The following TAS2R1 variants were observed in gnomAD, a reference collection of about 807,000 sequenced individuals.
The protein encoded by TAS2R1 is taste 2 receptor member 1.
For synonymous variants in TAS2R1, 141 were observed against 134.2 expected (o/e 1.05, Z -0.35); for missense variants, 370 against 353.4 (o/e 1.05, Z -0.38).
chr5:9,795,568 C>T, the TAS2R1 span, among the ~76,000 whole-genome samples: 3 of 152,114 alleles, frequency 2.0e-5, no homozygotes, highest in Non-Finnish European at 2.9e-5. Context: ...CTTGAGGACT[C>T]AGAAGATGAA....
Position 9,678,788 on chromosome 5 carries a change from TG to T in TAS2R1, c.-241-19208del, listed in dbSNP as rs1184696097. The stretch of plus-strand genomic sequence containing the variant: ...ACACACTGGAGCCTGTTGGGGGGTT[TG>T]GGGGAGGGAGAGGATCAGGAATAAT... On this transcript the variant is annotated intron_variant, in intron 1 of 2. Coordinates refer to the TAS2R1 transcript ENST00000506620. 2.0e-5 allele frequency among the ~76,000 whole-genome samples: 3 copies of T among 151,770 alleles called. No homozygotes were observed. In the East Asian group the frequency reaches 5.8e-4, roughly 30 times the overall value.
intron 1 of TAS2R1, among the ~76,000 whole-genome samples, chr5:9,695,591 G>T (rs2126521162): frequency 6.6e-6 from 1 of 152,258 alleles, no homozygotes; most frequent in East Asian, 1.9e-4. Context: ...GGTGCACTGG[G>T]GGTGGGAGTA....
At chr5:9,829,744 G>A in the TAS2R1 span, among the ~76,000 whole-genome samples, 47 of 152,226 alleles carry the variant, frequency 3.1e-4, no homozygotes, top group Non-Finnish European at 5.4e-4. Flanking sequence ...ATGAGTCATG[G>A]TTGATGCAAA....
chr5:9,826,538 A>T, the TAS2R1 span, among the ~76,000 whole-genome samples: 2 of 152,216 alleles, frequency 1.3e-5, no homozygotes, highest in East Asian at 3.8e-4. Flanking sequence ...AAGAAAGAAT[A>T]CTTTTGCAAA....
chr5:9,652,565 A>G (rs1335448100), intron 2 of TAS2R1, among the ~76,000 whole-genome samples: 1 of 152,288 alleles, frequency 6.6e-6, no homozygotes, highest in South Asian at 2.1e-4. Context: ...GAGATTTACC[A>G]TGGCTGCCTG....
chr5:9,824,715 T>C, the TAS2R1 span, among the ~76,000 whole-genome samples: 4 of 151,590 alleles, frequency 2.6e-5, no homozygotes, highest in African/African-American at 7.3e-5. Flanking sequence ...GGTGTGGTGG[T>C]GGGCGCCTGT....
the TAS2R1 span, among the ~76,000 whole-genome samples, chr5:9,836,542 T>C: frequency 4.6e-5 from 7 of 152,162 alleles, no homozygotes; most frequent in African/African-American, 1.7e-4. Flanking sequence ...ACAATTTCCT[T>C]GGGGCAGGAG....
chr5:9,794,522 T>C, the TAS2R1 span, among the ~76,000 whole-genome samples: 3 of 152,232 alleles, frequency 2.0e-5, no homozygotes, highest in Admixed American at 2.0e-4. Context: ...AAGTGATCAT[T>C]CTTATTTTAC....
upstream of TAS2R1, among the ~76,000 whole-genome samples, chr5:9,634,410 G>A (rs62342657): frequency 0.18 from 26,751 of 150,866 alleles, 2,381 homozygotes; most frequent in African/African-American, 0.2. Flanking sequence ...TTGTTGTTGC[G>A]TAGTCTTGCT....
intron 1 of TAS2R1, among the ~76,000 whole-genome samples, chr5:9,711,431 T>C (rs1734658388): frequency 6.6e-6 from 1 of 152,172 alleles, no homozygotes; most frequent in Non-Finnish European, 1.5e-5. Flanking sequence ...AAATACTGCA[T>C]GATTTCAGTT....
the TAS2R1 span, among the ~76,000 whole-genome samples, chr5:9,821,179 GA>G: frequency 6.6e-6 from 1 of 152,286 alleles, no homozygotes. Context: ...CATTAGGTGA[GA>G]ACCTTAGAGA....
the TAS2R1 span, among the ~76,000 whole-genome samples, chr5:9,901,973 A>G: frequency 6.6e-6 from 1 of 152,094 alleles, no homozygotes; most frequent in African/African-American, 2.4e-5. Context: ...ATCTCAGAGT[A>G]GTGGACTCGC....
At chr5:9,723,304 C>G in the TAS2R1 span, among the ~76,000 whole-genome samples, 1 of 152,172 alleles carries the variant, frequency 6.6e-6, no homozygotes, top group African/African-American at 2.4e-5. Context: ...ACTTCATTAT[C>G]GTGGGCTTCT....
chr5:9,852,100 A>G, the TAS2R1 span, among the ~76,000 whole-genome samples: 1 of 152,224 alleles, frequency 6.6e-6, no homozygotes, highest in Non-Finnish European at 1.5e-5. Flanking sequence ...AAGGTATAGT[A>G]TATTATAGAT....
the TAS2R1 span, among the ~76,000 whole-genome samples, chr5:9,747,910 A>G: frequency 6.6e-6 from 1 of 151,996 alleles, no homozygotes; most frequent in Non-Finnish European, 1.5e-5. Context: ...AACTAGTGTC[A>G]CAAGGTACCT....
At chr5:9,763,764 A>G in the TAS2R1 span, among the ~76,000 whole-genome samples, 13 of 152,214 alleles carry the variant, frequency 8.5e-5, no homozygotes, top group Admixed American at 8.5e-4. Flanking sequence ...AATTAGAGAC[A>G]TCAAAACCCC....
At chr5:9,723,103 T>A in the TAS2R1 span, among the ~76,000 whole-genome samples, 1 of 152,226 alleles carries the variant, frequency 6.6e-6, no homozygotes, top group Non-Finnish European at 1.5e-5. Context: ...TATTGGCATT[T>A]GGGAGCTTGT....
rs1210068131 is a variant in TAS2R1 at position 9,665,981 on chromosome 5, T to C, written c.-241-6400A>G. 2.0e-5 allele frequency among the ~76,000 whole-genome samples: 3 copies of C among 152,336 alleles called. No homozygotes were observed. The East Asian group carries it at 5.8e-4, about 29-fold the overall frequency. On this transcript the variant is annotated intron_variant, in intron 1 of 2. Coordinates refer to the TAS2R1 transcript ENST00000506620. ...TGTAGCCTTGCTAGGTTTCAACCTA[T>C]TTTTGGACAAGGAGTATGACTTATA...
intron 1 of TAS2R1, among the ~76,000 whole-genome samples, chr5:9,688,553 G>T (rs1741173195): frequency 6.6e-6 from 1 of 152,138 alleles, no homozygotes; most frequent in African/African-American, 2.4e-5. Context: ...GCCGGATAAT[G>T]CAGCTCTGTG....
Sources: allele counts gnomAD v4.1 joint callset (sites outside exome capture counted in the v4.1 genomes callset), GRCh38; gene constraint gnomAD v4.1.1; transcripts MANE v1.5; gene names NCBI Gene and HGNC (gene_info 2026-07-23, HGNC 2026-07-21).